The following INSL6 variants were observed in gnomAD, a reference collection of about 807,000 sequenced individuals.
INSL6 encodes insulin-like peptide INSL6.
A neutral mutation model predicts 9.4 loss-of-function variants in INSL6; 16 were observed. That is an observed-to-expected ratio of 1.70 (90% CI 1.15 to 2.59). INSL6 has a LOEUF of 2.59. Among genes scored for constraint, INSL6 ranks in the 30% most tolerant of loss-of-function variants. The pLI is 0.00. For synonymous variants in INSL6, 154 were observed against 96.9 expected, an observed-to-expected ratio of 1.59 and a Z score of -3.46; for missense variants, 391 against 257.3, an observed-to-expected ratio of 1.52 and a Z score of -3.56.
At chr9:5,092,094 T>C in the INSL6 span, among the ~76,000 whole-genome samples, 73 of 152,246 alleles carry the variant, frequency 4.8e-4, no homozygotes, top group African/African-American at 1.7e-3. Context: ...CCTAAGGTTA[T>C]AAAGTAAGCA....
the INSL6 span, chr9:5,114,880 C>A: frequency 4.6e-6 from 1 of 219,170 alleles, no homozygotes; most frequent in Non-Finnish European, 9.1e-6. Context: ...ACCTTCTGTC[C>A]ACTGTTGCAA....
intron 3 of INSL6, among the ~76,000 whole-genome samples, chr9:5,125,554 T>C (rs1037472632): frequency 6.6e-6 from 1 of 151,556 alleles, no homozygotes; most frequent in Non-Finnish European, 1.5e-5. Flanking sequence ...TTATGAACTA[T>C]TTTAAAATTT....
Position 5,164,078 on chromosome 9 carries a change from G to C in INSL6, c.477C>G (p.Ser159Arg). 2 of 1,613,424 alleles carry C rather than the reference G, an allele frequency of 1.2e-6. No individual in the cohort carries two copies. Among genetic ancestry groups the C allele is most frequent in the Non-Finnish European group, 1.7e-6 (2 of 1,179,806 alleles). ...KKRRNKIKTL[S>R]NLFWGHHPQR... ...GGGGATGATGCCCCCAAAACAAATT[G>C]CTTAAGGTTTTAATTTTGTTTCTAC... Residue 159 changes from serine to arginine, a missense_variant, in exon 2 of 2, where the codon AGC becomes AGG. Physicochemically the swap from Ser to Arg is moderately radical, Grantham distance 110. Transcript: ENST00000381641.
the INSL6 span, among the ~76,000 whole-genome samples, chr9:5,015,623 C>G: frequency 6.6e-6 from 1 of 151,640 alleles, no homozygotes; most frequent in Non-Finnish European, 1.5e-5. Flanking sequence ...TCACTGCGGC[C>G]TCGGTCTCCT....
chr9:5,173,519 A>G (rs1825229870), intron 1 of INSL6, among the ~76,000 whole-genome samples: 1 of 152,198 alleles, frequency 6.6e-6, no homozygotes, highest in Non-Finnish European at 1.5e-5. Context: ...AGAGAAAACC[A>G]AACACAGCAA....
At chr9:5,175,444 G>A (rs1825277870) in intron 1 of INSL6, among the ~76,000 whole-genome samples, 1 of 152,002 alleles carries the variant, frequency 6.6e-6, no homozygotes, top group Non-Finnish European at 1.5e-5. Context: ...TGTCAATTAT[G>A]TCACTTCTCT....
chr9:5,081,866 A>C, the INSL6 span: 69 of 1,608,800 alleles, frequency 4.3e-5, no homozygotes, highest in Non-Finnish European at 5.9e-6. Context: ...GGCAAGGTAA[A>C]TTGTCAGAAT....
chr9:5,160,115 G>T (rs185791089), downstream of INSL6, among the ~76,000 whole-genome samples: 130 of 150,200 alleles, frequency 8.7e-4, no homozygotes, highest in African/African-American at 1.9e-3. Context: ...GATGGAGGTT[G>T]CAGTGAGCTG....
the INSL6 span, among the ~76,000 whole-genome samples, chr9:5,088,583 C>G: frequency 2.0e-5 from 3 of 152,112 alleles, no homozygotes; most frequent in Admixed American, 2.0e-4. Context: ...CTAAAAGTTT[C>G]TTACTTCTTA....
chr9:5,027,832 G>A, the INSL6 span, among the ~76,000 whole-genome samples: 3 of 152,138 alleles, frequency 2.0e-5, no homozygotes, highest in East Asian at 3.9e-4. Flanking sequence ...AAGTTTTATC[G>A]TGAGATTACA....
the INSL6 span, among the ~76,000 whole-genome samples, chr9:5,068,496 GATGA>G: frequency 6.6e-6 from 1 of 152,186 alleles, no homozygotes; most frequent in Non-Finnish European, 1.5e-5. Context: ...ACTGAGTTTT[GATGA>G]ATGAATAAAG....
downstream of INSL6, among the ~76,000 whole-genome samples, chr9:5,119,845 T>C (rs971426765): frequency 7.2e-5 from 11 of 152,184 alleles, no homozygotes; most frequent in African/African-American, 2.4e-4. Flanking sequence ...GCAGTTAGCA[T>C]ATAGTTTTAT....
At chr9:5,021,216 G>C in the INSL6 span, among the ~76,000 whole-genome samples, 1 of 152,114 alleles carries the variant, frequency 6.6e-6, no homozygotes, top group African/African-American at 2.4e-5. Flanking sequence ...TCACTTCTCT[G>C]TTGAATTTCC....
At chr9:5,111,451 A>G in the INSL6 span, 3 of 392,006 alleles carry the variant, frequency 7.7e-6, no homozygotes, top group African/African-American at 2.1e-5. Flanking sequence ...CTGGTCTTCC[A>G]TCCTCGGCGT....
intron 2 of INSL6, among the ~76,000 whole-genome samples, chr9:5,143,860 A>G (rs1467313469): frequency 6.7e-6 from 1 of 149,444 alleles, no homozygotes; most frequent in Non-Finnish European, 1.5e-5. Context: ...GGGTTTCACC[A>G]TGTTGGCCAT....
intron 2 of INSL6, among the ~76,000 whole-genome samples, chr9:5,154,706 C>T (rs1315596069): frequency 6.6e-6 from 1 of 152,122 alleles, no homozygotes; most frequent in Non-Finnish European, 1.5e-5. Flanking sequence ...TTTATGCAGC[C>T]AAAAGACACA....
intron 2 of INSL6, among the ~76,000 whole-genome samples, chr9:5,136,051 A>G (rs1824381980): frequency 6.6e-6 from 1 of 152,206 alleles, no homozygotes; most frequent in Non-Finnish European, 1.5e-5. Context: ...CTGGACACAT[A>G]CACCCTCCCA....
At chr9:5,004,983 CA>C in the INSL6 span, among the ~76,000 whole-genome samples, 1 of 143,628 alleles carries the variant, frequency 7.0e-6, no homozygotes, top group Admixed American at 7.1e-5. Context: ...GTGGTGTGAT[CA>C]TAGCTCACTG....
At chr9:5,021,988 A>G in the INSL6 span, 16 of 1,610,052 alleles carry the variant, frequency 9.9e-6, no homozygotes, top group Admixed American at 1.7e-5. Flanking sequence ...AAGACTCTGC[A>G]TGGGAATGGC....
Sources: allele counts gnomAD v4.1 joint callset (sites outside exome capture counted in the v4.1 genomes callset), GRCh38; gene constraint gnomAD v4.1.1; transcripts MANE v1.5; gene names NCBI Gene and HGNC (gene_info 2026-07-23, HGNC 2026-07-21).